The following LRP1B variants were observed in gnomAD, a reference collection of about 807,000 sequenced individuals.
The protein encoded by LRP1B is low-density lipoprotein receptor-related protein 1B.
A neutral mutation model predicts 556.6 loss-of-function variants in LRP1B; 217 were observed. The ratio of observed to expected loss-of-function variants is 0.39; its 90% CI spans 0.35 to 0.44. The LOEUF (loss-of-function observed/expected upper bound fraction) is 0.44, where lower values mean the gene tolerates loss of function less well. Ranked by LOEUF, LRP1B falls within the 20% of genes least tolerant of loss-of-function variation. LRP1B has a pLI of 1.00. For missense variants in LRP1B, 5,053 were observed against 5,620.8 expected (o/e 0.90, Z 3.23); for synonymous variants, 2,047 against 1,865.8 (o/e 1.10, Z -2.50).
chr2:141,792,362 C>A (rs1258989172), intron 2 of LRP1B, among the ~76,000 whole-genome samples: 1 of 151,922 alleles, frequency 6.6e-6, no homozygotes, highest in Non-Finnish European at 1.5e-5. Flanking sequence ...TCCATAATTT[C>A]ATTCCCTTAA....
intron 3 of LRP1B, among the ~76,000 whole-genome samples, chr2:141,401,850 G>A (rs1690463154): frequency 6.6e-6 from 1 of 152,056 alleles, no homozygotes; most frequent in South Asian, 2.1e-4. Flanking sequence ...AGTTCTCTAT[G>A]CTTTGCTGGA....
At chr2:140,542,822 G>A (rs1680187647) in intron 43 of LRP1B, among the ~76,000 whole-genome samples, 1 of 152,110 alleles carries the variant, frequency 6.6e-6, no homozygotes, top group Non-Finnish European at 1.5e-5. Flanking sequence ...TATCTGAAAA[G>A]AGTCATCCTG....
intron 35 of LRP1B, among the ~76,000 whole-genome samples, chr2:140,717,552 A>G (rs904816284): frequency 3.3e-5 from 5 of 152,096 alleles, no homozygotes; most frequent in African/African-American, 9.7e-5. Flanking sequence ...ACTATAAATG[A>G]AATATATGTG....
chr2:140,459,525 T>G (rs1213958651), intron 60 of LRP1B, among the ~76,000 whole-genome samples: 1 of 152,194 alleles, frequency 6.6e-6, no homozygotes, highest in African/African-American at 2.4e-5. Context: ...AATAAAGTTA[T>G]TGTAAGAATC....
intron 41 of LRP1B, among the ~76,000 whole-genome samples, chr2:140,644,302 C>T (rs747237577): frequency 2.0e-5 from 3 of 151,666 alleles, no homozygotes; most frequent in Non-Finnish European, 4.4e-5. Flanking sequence ...TGGACAGATA[C>T]AAGAGTATCA....
chr2:140,250,425 T>C (rs1681361134), intron 86 of LRP1B, among the ~76,000 whole-genome samples: 1 of 151,864 alleles, frequency 6.6e-6, no homozygotes, highest in Non-Finnish European at 1.5e-5. Context: ...TATTTATCCT[T>C]CTTTATTTAC....
At position 142,071,889 on chromosome 2, in the gene LRP1B, T is replaced by C. The variant is rs182942637; in HGVS notation, c.82+58759A>G. Among the ~76,000 whole-genome samples the C allele has an allele frequency of 7.9e-5, 12 of 152,088 alleles. No homozygotes were observed. In the East Asian group the frequency reaches 2.3e-3, roughly 30 times the overall value. ...GGCTCAAGAGACTGTTTAAATCCAG[T>C]ATGCCCAAAATGGAGATTACTAACT... On this transcript the variant is annotated intron_variant, in intron 1 of 90. Coordinates refer to ENST00000389484, the MANE Select transcript of LRP1B (RefSeq NM_018557.3).
intron 3 of LRP1B, among the ~76,000 whole-genome samples, chr2:141,346,491 G>T (rs1688262930): frequency 6.6e-6 from 1 of 152,070 alleles, no homozygotes; most frequent in Admixed American, 6.6e-5. Flanking sequence ...CGTTCTCCTG[G>T]AACTGAATAG....
chr2:141,396,741 T>A (rs1453253421), intron 3 of LRP1B, among the ~76,000 whole-genome samples: 2 of 152,152 alleles, frequency 1.3e-5, no homozygotes, highest in East Asian at 3.8e-4. Flanking sequence ...TTAATACACA[T>A]AAACATTATC....
chr2:140,836,164 AACT>A (rs1439316103), intron 31 of LRP1B, among the ~76,000 whole-genome samples: 1 of 152,142 alleles, frequency 6.6e-6, no homozygotes, highest in East Asian at 1.9e-4. Context: ...CATATATAGG[AACT>A]CTTTAGAGTA....
chr2:140,646,504 C>A (rs2105310720), intron 41 of LRP1B, among the ~76,000 whole-genome samples: 1 of 152,232 alleles, frequency 6.6e-6, no homozygotes, highest in Admixed American at 6.5e-5. Context: ...CTTGGCAAAA[C>A]CCAGATTCAA....
chr2:141,562,199 C>T (rs1686178265), intron 2 of LRP1B, among the ~76,000 whole-genome samples: 1 of 151,814 alleles, frequency 6.6e-6, no homozygotes. Context: ...TCTAAGCTGA[C>T]CTAGAGAATT....
intron 2 of LRP1B, among the ~76,000 whole-genome samples, chr2:141,494,676 A>C (rs1683453434): frequency 6.6e-6 from 1 of 151,332 alleles, no homozygotes; most frequent in Non-Finnish European, 1.5e-5. Flanking sequence ...AATCAGCAAA[A>C]GGCTTCTCTT....
chr2:141,834,383 TG>T (rs1454940323), intron 1 of LRP1B, among the ~76,000 whole-genome samples: 1 of 151,508 alleles, frequency 6.6e-6, no homozygotes, highest in African/African-American at 2.4e-5. Context: ...ACTCAAACTG[TG>T]AAAAGAAAGG....
intron 11 of LRP1B, among the ~76,000 whole-genome samples, chr2:141,022,250 C>T (rs1224492012): frequency 6.6e-6 from 1 of 151,028 alleles, no homozygotes; most frequent in African/African-American, 2.4e-5. Context: ...AAGGAATTAG[C>T]CTAGATTATT....
At chr2:141,275,190 A>T (rs12464208) in intron 3 of LRP1B, among the ~76,000 whole-genome samples, 42,937 of 151,984 alleles carry the variant, frequency 0.28, 6,557 homozygotes, top group Middle Eastern at 0.45. Context: ...AATTTTTTTT[A>T]AAATAGTAAA....
intron 87 of LRP1B, among the ~76,000 whole-genome samples, chr2:140,240,086 G>T (rs1054218996): frequency 6.6e-6 from 1 of 150,798 alleles, no homozygotes; most frequent in Non-Finnish European, 1.5e-5. Flanking sequence ...CCTTATGTAG[G>T]TTATTTAAAT....
intron 31 of LRP1B, among the ~76,000 whole-genome samples, chr2:140,828,538 G>A (rs1691592015): frequency 1.4e-5 from 2 of 141,268 alleles, no homozygotes; most frequent in South Asian, 4.7e-4. Context: ...GAACCTGGGA[G>A]GCGGAGCTTG....
chr2:141,266,733 GA>G (rs1351943049), intron 3 of LRP1B, among the ~76,000 whole-genome samples: 5 of 151,954 alleles, frequency 3.3e-5, no homozygotes, highest in Non-Finnish European at 7.4e-5. Flanking sequence ...GATTTATTTA[GA>G]AACATTTTAT....
Sources: allele counts gnomAD v4.1 joint callset (sites outside exome capture counted in the v4.1 genomes callset), GRCh38; gene constraint gnomAD v4.1.1; transcripts MANE v1.5; gene names NCBI Gene and HGNC (gene_info 2026-07-23, HGNC 2026-07-21).